Variants in ELAVL2 observed in about 807,000 individuals in gnomAD.
The protein encoded by ELAVL2 is ELAV-like protein 2.
A neutral mutation model predicts 34.6 loss-of-function variants in ELAVL2; 4 were observed. The observed-to-expected ratio is 0.12, with a 90% confidence interval of 0.06 to 0.26. ELAVL2 has a LOEUF of 0.26. Ranked by LOEUF, ELAVL2 falls within the 10% of genes least tolerant of loss-of-function variation. The pLI, the probability that ELAVL2 is intolerant of heterozygous loss-of-function variation, is 1.00. For synonymous variants in ELAVL2, 193 were observed against 154.8 expected (o/e 1.25, Z -1.83); for missense variants, 432 against 442.8 (o/e 0.98, Z 0.22).
At chr9:23,779,483 T>C in intron 1 of ELAVL2, 1 of 850,934 alleles carries the variant, frequency 1.2e-6, no homozygotes, top group Non-Finnish European at 1.4e-6. Flanking sequence ...TCCTTCTGGC[T>C]TCCTTAGACT....
intron 1 of ELAVL2, among the ~76,000 whole-genome samples, chr9:23,818,117 G>A (rs776616474): frequency 3.3e-5 from 5 of 152,238 alleles, no homozygotes; most frequent in African/African-American, 7.2e-5. Context: ...AACCAGAACC[G>A]GTGAAGACTT....
chr9:23,811,334 A>C (rs1270333812), intron 1 of ELAVL2, among the ~76,000 whole-genome samples: 1 of 149,344 alleles, frequency 6.7e-6, no homozygotes, highest in Non-Finnish European at 1.5e-5. Flanking sequence ...TTTCAAGGAA[A>C]AAAAAAAAAA....
At chr9:23,709,034 A>T (rs746277848) in intron 3 of ELAVL2, among the ~76,000 whole-genome samples, 21 of 152,160 alleles carry the variant, frequency 1.4e-4, no homozygotes, top group Non-Finnish European at 2.4e-4. Flanking sequence ...TAGAATTTTT[A>T]AATTAATTTT....
upstream of ELAVL2, among the ~76,000 whole-genome samples, chr9:23,827,173 T>A (rs2065345455): frequency 6.6e-6 from 1 of 152,206 alleles, no homozygotes; most frequent in South Asian, 2.1e-4. Flanking sequence ...TGCAGACAGG[T>A]ACAGTCCTTG....
chr9:23,847,696 T>G, the ELAVL2 span, among the ~76,000 whole-genome samples: 1 of 152,164 alleles, frequency 6.6e-6, no homozygotes, highest in African/African-American at 2.4e-5. Context: ...ATTTTAAATT[T>G]GCACATTAAG....
At chr9:23,728,184 TC>T (rs2045708798) in intron 3 of ELAVL2, among the ~76,000 whole-genome samples, 1 of 151,760 alleles carries the variant, frequency 6.6e-6, no homozygotes, top group African/African-American at 2.4e-5. Flanking sequence ...TACATATGGG[TC>T]CCCCTGTAAT....
the ELAVL2 span, among the ~76,000 whole-genome samples, chr9:23,843,876 T>C: frequency 6.6e-6 from 1 of 152,174 alleles, no homozygotes; most frequent in South Asian, 2.1e-4. Flanking sequence ...ATTAAAGGCT[T>C]TCCCGGCTGT....
intron 2 of ELAVL2, among the ~76,000 whole-genome samples, chr9:23,752,127 G>A (rs1340503117): frequency 6.6e-6 from 1 of 152,180 alleles, no homozygotes; most frequent in Non-Finnish European, 1.5e-5. Flanking sequence ...GTCTGCAACT[G>A]TCACGTAACT....
At chr9:23,694,190 C>T (rs10733392) in intron 5 of ELAVL2, among the ~76,000 whole-genome samples, 115,151 of 151,742 alleles carry the variant, frequency 0.76, 44,140 homozygotes, top group African/African-American at 0.86. Flanking sequence ...ATTCAAATTA[C>T]GCTACAGGAA....
intron 2 of ELAVL2, chr9:23,735,126 A>AAAAAAC (rs2047549870): frequency 6.8e-6 from 1 of 148,118 alleles, no homozygotes; most frequent in Non-Finnish European, 1.5e-5. Context: ...AAAAAAAAAA[A>AAAAAAC]AGCCCTTAAG....
At chr9:23,702,956 A>AAAAAAAAC (rs2037855487) in intron 4 of ELAVL2, among the ~76,000 whole-genome samples, 10 of 63,034 alleles carry the variant, frequency 1.6e-4, no homozygotes, top group Non-Finnish European at 2.0e-4. Context: ...ATTAGCAAAA[A>AAAAAAAAC]AAAAAAAAAA....
At chr9:23,744,022 C>G (rs566061649) in intron 2 of ELAVL2, among the ~76,000 whole-genome samples, 1 of 152,146 alleles carries the variant, frequency 6.6e-6, no homozygotes, top group African/African-American at 2.4e-5. Flanking sequence ...AAGGCTAAGA[C>G]AAGTGGATCA....
At chr9:23,834,114 G>A in the ELAVL2 span, among the ~76,000 whole-genome samples, 1 of 151,906 alleles carries the variant, frequency 6.6e-6, no homozygotes, top group African/African-American at 2.4e-5. Context: ...AAGGAAATCA[G>A]ATTATATTTT....
intron 1 of ELAVL2, 144 bp from the exon 2 acceptor site, chr9:23,762,393 A>G (rs2055240406): frequency 9.4e-7 from 1 of 1,058,878 alleles, no homozygotes; most frequent in Admixed American, 2.7e-5. Context: ...TGTAATACCT[A>G]CACTAATTTT....
chr9:23,793,672 T>C lies in ELAVL2; in HGVS notation c.-15-31423A>G, dbSNP rs192705310. ...TAACCTATACTGGATCCTTATTGAT[T>C]TTCATCATGTGAGTGACAAAACACA... is the stretch of plus-strand genomic sequence containing the variant. On this transcript the variant is annotated intron_variant, in intron 1 of 6. Transcript: ENST00000397312. Among the ~76,000 whole-genome samples, 4 of 152,246 alleles carry C rather than the reference T, an allele frequency of 2.6e-5. No individual in the cohort carries two copies. In the East Asian group the frequency reaches 5.8e-4, roughly 22 times the overall value.
chr9:23,803,953 C>T (rs1489938240), intron 1 of ELAVL2, among the ~76,000 whole-genome samples: 1 of 152,132 alleles, frequency 6.6e-6, no homozygotes, highest in Non-Finnish European at 1.5e-5. Context: ...ACCCAACGAC[C>T]ATGCACAACG....
intron 5 of ELAVL2, among the ~76,000 whole-genome samples, chr9:23,699,341 C>A (rs962728365): frequency 9.2e-5 from 14 of 152,146 alleles, no homozygotes; most frequent in African/African-American, 3.4e-4. Context: ...TCTCAATCTT[C>A]CTAAGAATTC....
At chr9:23,764,971 A>T (rs753818214) in intron 1 of ELAVL2, 30 of 1,598,372 alleles carry the variant, frequency 1.9e-5, no homozygotes, top group Non-Finnish European at 7.7e-6. Context: ...CATGCTAAAA[A>T]AAAGTAGCCT....
At chr9:23,711,395 CAACTT>C (rs542224953) in intron 3 of ELAVL2, among the ~76,000 whole-genome samples, 69 of 152,288 alleles carry the variant, frequency 4.5e-4, no homozygotes, top group African/African-American at 1.6e-3. Context: ...ATGTCATCCT[CAACTT>C]AAATTACCTA....
Sources: gnomAD v4.1 joint callset for allele counts (sites outside exome capture counted in the v4.1 genomes callset) on GRCh38, gnomAD v4.1.1 for gene constraint, MANE v1.5 for transcripts, NCBI Gene and HGNC (gene_info 2026-07-23, HGNC 2026-07-21) for gene names.